The following CADM2 variants were observed in gnomAD, a reference collection of about 807,000 sequenced individuals.
The protein encoded by CADM2 is immunoglobulin superfamily member 4D.
Under a neutral mutation model 49.8 loss-of-function variants are expected in CADM2, and 12 were observed. That is an observed-to-expected ratio of 0.24 (90% CI 0.15 to 0.39). The LOEUF is 0.39. Among genes scored for constraint, CADM2 ranks in the 10% least tolerant of loss-of-function variants. The probability of loss-of-function intolerance (pLI) is 1.00; values close to 1 mark genes in which losing one functional copy is unlikely to be tolerated. For missense variants in CADM2, 378 were observed against 492.3 expected, an observed-to-expected ratio of 0.77 and a Z score of 2.20; for synonymous variants, 214 against 175.4, an observed-to-expected ratio of 1.22 and a Z score of -1.74.
intron 1 of CADM2, among the ~76,000 whole-genome samples, chr3:85,342,303 T>G (rs1398126788): frequency 6.6e-6 from 1 of 152,012 alleles, no homozygotes; most frequent in Non-Finnish European, 1.5e-5. Context: ...GCATTAATTT[T>G]TAAGTAGTAA....
chr3:85,015,083 CA>C (rs1390975583), intron 1 of CADM2, among the ~76,000 whole-genome samples: 4 of 151,862 alleles, frequency 2.6e-5, no homozygotes, highest in South Asian at 4.2e-4. Flanking sequence ...TTGTGCCGTA[CA>C]TAGTATACAT....
intron 2 of CADM2, among the ~76,000 whole-genome samples, chr3:85,770,007 A>C (rs986147621): frequency 1.3e-5 from 2 of 152,018 alleles, no homozygotes; most frequent in Non-Finnish European, 2.9e-5. Context: ...AACAAAAAAA[A>C]CAGCATTTCT....
At chr3:85,184,481 T>TTG (rs1169369675) in intron 1 of CADM2, among the ~76,000 whole-genome samples, 1 of 152,162 alleles carries the variant, frequency 6.6e-6, no homozygotes, top group Non-Finnish European at 1.5e-5. Flanking sequence ...TATTTTTAGT[T>TTG]CTTTAAACAT....
intron 1 of CADM2, among the ~76,000 whole-genome samples, chr3:85,235,516 A>G (rs759135552): frequency 6.6e-6 from 1 of 152,110 alleles, no homozygotes; most frequent in African/African-American, 2.4e-5. Context: ...TATAAAACAT[A>G]AAATTGAAAT....
intron 2 of CADM2, among the ~76,000 whole-genome samples, chr3:85,740,778 T>A (rs1009040380): frequency 2.0e-5 from 3 of 152,208 alleles, no homozygotes; most frequent in Admixed American, 2.0e-4. Context: ...CTTACCTTGA[T>A]GTACTTGGAG....
At chr3:85,324,061 G>A (rs1431647023) in intron 1 of CADM2, among the ~76,000 whole-genome samples, 1 of 152,004 alleles carries the variant, frequency 6.6e-6, no homozygotes, top group African/African-American at 2.4e-5. Flanking sequence ...TATATTTTTC[G>A]TTAGCCTTCA....
intron 3 of CADM2, among the ~76,000 whole-genome samples, chr3:85,833,030 A>T (rs2074250639): frequency 6.6e-6 from 1 of 151,848 alleles, no homozygotes; most frequent in South Asian, 2.1e-4. Context: ...GTTGAATTTT[A>T]TCAAAAGCAT....
Position 85,138,183 on chromosome 3 carries a change from T to C in CADM2, c.61+178515T>C, listed in dbSNP as rs116492994. On this transcript the variant is annotated intron_variant, in intron 1 of 9. Transcript: ENST00000383699. ...AGCTGTTCTTTCCTTTGTTGCATTC[T>C]TTCCCCAGCAGAGAAATCTGCAACA... Among the ~76,000 whole-genome samples the C allele has an allele frequency of 2.8e-3, 429 of 152,096 alleles. 2 individuals carry two copies. Among genetic ancestry groups the C allele is most frequent in the African/African-American group, 9.9e-3 (411 of 41,540 alleles).
At chr3:85,598,675 G>A (rs1372168690) in intron 1 of CADM2, among the ~76,000 whole-genome samples, 1 of 151,810 alleles carries the variant, frequency 6.6e-6, no homozygotes, top group South Asian at 2.1e-4. Flanking sequence ...GACATCCACT[G>A]TGTGTCAGAA....
At chr3:85,451,566 A>G (rs2037749565) in intron 1 of CADM2, among the ~76,000 whole-genome samples, 1 of 152,064 alleles carries the variant, frequency 6.6e-6, no homozygotes, top group Admixed American at 6.6e-5. Context: ...GACCCATCAT[A>G]TACTTCCTCA....
At chr3:85,520,565 GA>G (rs1032743573) in intron 1 of CADM2, among the ~76,000 whole-genome samples, 28 of 151,994 alleles carry the variant, frequency 1.8e-4, no homozygotes, top group African/African-American at 5.1e-4. Flanking sequence ...TTTTTAGGAA[GA>G]AAAAATATTG....
At chr3:86,004,931 C>A (rs1318893524) in intron 8 of CADM2, among the ~76,000 whole-genome samples, 1 of 152,138 alleles carries the variant, frequency 6.6e-6, no homozygotes, top group African/African-American at 2.4e-5. Flanking sequence ...CTACAGAAGG[C>A]CTTTCAGTTT....
chr3:85,294,076 G>A (rs1001998127), intron 1 of CADM2, among the ~76,000 whole-genome samples: 1 of 151,672 alleles, frequency 6.6e-6, no homozygotes, highest in Admixed American at 6.6e-5. Flanking sequence ...AAGCTGATAA[G>A]CAACTTCAGC....
intron 1 of CADM2, among the ~76,000 whole-genome samples, chr3:85,306,367 T>A (rs1456169486): frequency 1.3e-5 from 2 of 151,880 alleles, no homozygotes; most frequent in Non-Finnish European, 3.0e-5. Context: ...AAACAAATTA[T>A]TGACTTCATC....
intron 7 of CADM2, among the ~76,000 whole-genome samples, chr3:85,943,182 G>A (rs531372764): frequency 6.1e-5 from 9 of 148,402 alleles, no homozygotes; most frequent in African/African-American, 2.3e-4. Flanking sequence ...TGATGGGGTT[G>A]TTTGTTTTTT....
rs1030266882 is a variant in CADM2, at chr3:85,742,358, G to T, written c.88+15810G>T. The stretch of plus-strand genomic sequence containing the variant: ...ATGTTAACCTTCCCTGAGACCTTGT[G>T]TGGGAAAGCCACTATAAAGACATAT... On this transcript the variant is annotated intron_variant, in intron 2 of 9. Transcript: ENST00000383699. 5.3e-5 allele frequency among the ~76,000 whole-genome samples: 8 copies of T among 152,134 alleles called. 1 individual carries two copies. The South Asian group carries it at 8.3e-4, about 16-fold the overall frequency.
intron 2 of CADM2, among the ~76,000 whole-genome samples, chr3:85,750,383 A>G (rs1397281817): frequency 1.3e-5 from 2 of 152,052 alleles, no homozygotes; most frequent in Non-Finnish European, 2.9e-5. Context: ...TAAGCTTGCA[A>G]TTGGAAATTT....
intron 1 of CADM2, among the ~76,000 whole-genome samples, chr3:85,333,479 A>G (rs1368405133): frequency 1.3e-5 from 2 of 151,760 alleles, no homozygotes; most frequent in African/African-American, 2.4e-5. Flanking sequence ...GTGCATGCAA[A>G]TTGGGTAATT....
At position 85,448,205 on chromosome 3, in the gene CADM2, C is replaced by T. The variant is rs968253757; in HGVS notation, c.62-278317C>T. Among the ~76,000 whole-genome samples the T allele has an allele frequency of 7.3e-5, 11 of 151,682 alleles. 1 individual carries two copies. The highest frequency in any genetic ancestry group is 9.7e-5 in the African/African-American group (4 of 41,266). Reference sequence around the variant, plus strand: ...AAAATTAGCCAGGCGTGGTGGCGGGCGCCTGTAGTCCCAACTACTGGGGAG... The same window carrying T: ...AAAATTAGCCAGGCGTGGTGGCGGGTGCCTGTAGTCCCAACTACTGGGGAG... On this transcript the variant is annotated intron_variant, in intron 1 of 9. Transcript: ENST00000383699.
Sources: allele counts gnomAD v4.1 joint callset (sites outside exome capture counted in the v4.1 genomes callset), GRCh38; gene constraint gnomAD v4.1.1; transcripts MANE v1.5; gene names NCBI Gene and HGNC (gene_info 2026-07-23, HGNC 2026-07-21).